SLC35G1: variants seen among roughly 807,000 people sequenced by gnomAD.
The protein encoded by SLC35G1 is partner of STIM1.
In SLC35G1, 10 loss-of-function variants were observed where a neutral mutation model predicts 17.1. That is an observed-to-expected ratio of 0.59 (90% confidence interval 0.36 to 0.99). The LOEUF (loss-of-function observed/expected upper bound fraction) is 0.99. SLC35G1 is among the 50% of genes least tolerant of loss of function. The pLI is 0.01. For synonymous variants in SLC35G1, 185 were observed against 181.1 expected (o/e 1.02, Z -0.18); for missense variants, 433 against 468.4 (o/e 0.92, Z 0.70).
chr10:93,907,620 T>G (rs2060436870), downstream of SLC35G1: 1 of 152,220 alleles, frequency 6.6e-6, no homozygotes, highest in South Asian at 2.1e-4. Flanking sequence ...ATATCATGGT[T>G]GAGTATGTGC....
chr10:93,894,154 G>C lies in SLC35G1; in HGVS notation c.121G>C (p.Asp41His), dbSNP rs1434296419. Residue 41 changes from aspartate to histidine, a missense_variant, in exon 1 of 3, where the codon GAC becomes CAC. Physicochemically the swap from Asp to His is moderately conservative, Grantham distance 81. Coordinates refer to ENST00000427197, the MANE Select transcript of SLC35G1 (RefSeq NM_001134658.3). ...GGCCGCCGAGGCAGCTGGGGCGCCA[G>C]ACCGCGGTAGGTGCTGGCTCTGCCT... ...PAAAEAAGAPDRGRCWLCLSS... is the reference protein window; with the variant it reads ...PAAAEAAGAPHRGRCWLCLSS... The C allele has an allele frequency of 6.7e-7, 1 of 1,481,762 alleles. No homozygotes were observed. Among genetic ancestry groups the C allele is most frequent in the African/African-American group, 1.5e-5 (1 of 68,362 alleles). The allele number at this position is 1,481,762 out of a possible 1,614,324, so 91.8% of individuals were successfully genotyped here.
In SLC35G1 at chr10:93,901,784, A is replaced by G. The variant is rs956162727; in HGVS notation, c.*294A>G. 1 of 219,566 alleles carries G rather than the reference A, an allele frequency of 4.6e-6. No homozygotes were observed. Among genetic ancestry groups the G allele is most frequent in the African/African-American group, 2.7e-5 (1 of 37,712 alleles). 13.6% of individuals were successfully genotyped at this position (219,566 alleles called of 1,614,324 possible). On this transcript the variant is annotated 3_prime_UTR_variant, in exon 3 of 3. Transcript: ENST00000427197. ...AGAAAAACCAAAACATTTTATGGCT[A>G]GTAATATTTATGTAATTTTTAAAAT...
intron 2 of SLC35G1, 60 bp from the exon 3 acceptor site, chr10:93,900,692 T>A (rs540859944): frequency 7.3e-7 from 1 of 1,372,902 alleles, no homozygotes; most frequent in Non-Finnish European, 9.7e-7. Context: ...AATTACAAAT[T>A]GTAATTTAAA....
At chr10:93,908,794 T>C (rs1408785875), downstream of SLC35G1, 1 of 152,106 alleles carries the variant, frequency 6.6e-6, no homozygotes, top group Non-Finnish European at 1.5e-5. Flanking sequence ...CCCAAGAGCC[T>C]AGGCATGAGC....
chr10:93,896,027 G>C (rs1312159614), intron 1 of SLC35G1, among the ~76,000 whole-genome samples: 1 of 150,390 alleles, frequency 6.6e-6, no homozygotes. Flanking sequence ...GTCTTACTCT[G>C]TCACCAAGGC....
At chr10:93,897,069 G>A (rs2060337278) in intron 1 of SLC35G1, among the ~76,000 whole-genome samples, 1 of 152,178 alleles carries the variant, frequency 6.6e-6, no homozygotes, top group Admixed American at 6.5e-5. Flanking sequence ...CTGCGTGTGT[G>A]CAGTTTATTT....
chr10:93,904,517 A>AT (rs2060416474), downstream of SLC35G1, among the ~76,000 whole-genome samples: 2 of 152,064 alleles, frequency 1.3e-5, no homozygotes, highest in South Asian at 4.1e-4. Flanking sequence ...CTTCCTCTGC[A>AT]TTTCCCCCCT....
Position 93,903,788 on chromosome 10 carries a change from T to C in SLC35G1, c.*2298T>C, listed in dbSNP as rs2060412479. 2.6e-5 allele frequency: 4 copies of C among 152,352 alleles called. No individual in the cohort carries two copies. The highest frequency in any genetic ancestry group is 2.9e-5 in the Non-Finnish European group (2 of 68,034). 9.4% of individuals were successfully genotyped at this position (152,352 alleles called of 1,614,324 possible). A position where few individuals can be genotyped will look rare whatever the true frequency, so the allele number is the denominator to read the frequency against. On this transcript the variant is annotated 3_prime_UTR_variant, in exon 3 of 3. Transcript: ENST00000427197. ...AAGGAAAATATTTTCATAAATTGTT[T>C]TTATAAGTACTAATAAAATAATATG...
downstream of SLC35G1, among the ~76,000 whole-genome samples, chr10:93,904,883 T>C (rs1002400970): frequency 4.6e-5 from 7 of 152,034 alleles, no homozygotes; most frequent in African/African-American, 1.4e-4. Context: ...TATACCAGAG[T>C]CCTTACTCCC....
At position 93,900,873 on chromosome 10, in the gene SLC35G1, G is replaced by A. The variant is rs554883682; in HGVS notation, c.481G>A (p.Val161Ile). ...GACAATGTCCCTCGCTGATGCCACA[G>A]TTATCACGTTTAGCAGTCCAGTGTT... is the stretch of plus-strand genomic sequence containing the variant. ...YQTMSLADAT[V>I]ITFSSPVFTS... The change falls in exon 3 of 3, where the codon GTT becomes ATT. Residue 161 changes from valine to isoleucine, a missense_variant. Physicochemically the swap from Val to Ile is conservative, Grantham distance 29 (BLOSUM62 3). Coordinates refer to ENST00000427197, the MANE Select transcript of SLC35G1 (RefSeq NM_001134658.3). 2 of 1,614,068 alleles carry A rather than the reference G, an allele frequency of 1.2e-6. No homozygotes were observed. Among genetic ancestry groups the A allele is most frequent in the South Asian group, 1.1e-5 (1 of 91,074 alleles).
chr10:93,897,460 G>A (rs1056491328), intron 1 of SLC35G1, among the ~76,000 whole-genome samples: 4 of 152,160 alleles, frequency 2.6e-5, no homozygotes, highest in African/African-American at 9.7e-5. Context: ...TCACCCTTCA[G>A]TTCCACTGTG....
rs763255803 is a variant in SLC35G1, at chr10:93,901,510, A to AT, written c.*21dup. The stretch of plus-strand genomic sequence containing the variant: ...AAATGAAGCATCATTGCTGAAATAC[A>AT]TATTTTTTTCAAGTACACCATCACC... On this transcript the variant is annotated 3_prime_UTR_variant, in exon 3 of 3. Transcript: ENST00000427197. 21 of 1,559,482 alleles carry AT rather than the reference A, an allele frequency of 1.3e-5. No homozygotes were observed. The highest frequency in any genetic ancestry group is 1.8e-5 in the Non-Finnish European group (21 of 1,155,506).
exon 3 of SLC35G1, chr10:93,909,113 C>T (rs1166577495): frequency 6.6e-6 from 1 of 152,198 alleles, no homozygotes; most frequent in Admixed American, 6.5e-5. Context: ...ACACTAACCA[C>T]CATACTTTAC....
chr10:93,901,440 G>A lies in SLC35G1; in HGVS notation c.1048G>A (p.Ala350Thr), dbSNP rs1564593189. The change falls in exon 3 of 3, where the codon GCC becomes ACC. Residue 350 changes from alanine to threonine, a missense_variant. By Grantham distance (58) the Ala-to-Thr change is moderately conservative. Transcript: ENST00000427197. ...AGTGGGTGGTGCTCTCTGCGTAGTA[G>A]CCAGTAATGTTGGAGCGGCCATTCG... ...WTVGGALCVVASNVGAAIRKW... is the reference protein window; with the variant it reads ...WTVGGALCVVTSNVGAAIRKW... 1 of 1,608,384 alleles carries A rather than the reference G, an allele frequency of 6.2e-7. No homozygotes were observed.
chr10:93,899,717 C>T (rs1164049479), intron 2 of SLC35G1, among the ~76,000 whole-genome samples: 1 of 152,162 alleles, frequency 6.6e-6, no homozygotes, highest in Non-Finnish European at 1.5e-5. Flanking sequence ...AAATTTCTGT[C>T]AATGCGGACA....
In SLC35G1 at chr10:93,901,023, A is replaced by G. The variant is rs2060378581; in HGVS notation, c.631A>G (p.Thr211Ala). Residue 211 changes from threonine to alanine, a missense_variant, in exon 3 of 3, where the codon ACT becomes GCT. Thr to Ala is a moderately conservative substitution (Grantham distance 58, BLOSUM62 0). Coordinates refer to ENST00000427197, the MANE Select transcript of SLC35G1 (RefSeq NM_001134658.3). The part of the protein sequence containing the change: ...VRPPFLFGSD[T>A]SGMEESYSGH... ...ACCACCATTTTTGTTTGGTTCCGAC[A>G]CTTCGGGGATGGAAGAAAGCTATTC... 1 of 1,614,090 alleles carries G rather than the reference A, an allele frequency of 6.2e-7. No homozygotes were observed. The highest frequency in any genetic ancestry group is 2.2e-5 in the East Asian group (1 of 44,890).
downstream of SLC35G1, among the ~76,000 whole-genome samples, chr10:93,905,775 G>A (rs1014638510): frequency 1.1e-4 from 16 of 152,172 alleles, no homozygotes; most frequent in Admixed American, 1.0e-3. Context: ...ATTAATACCA[G>A]TAAGCCTGAT....
downstream of SLC35G1, chr10:93,908,557 C>G (rs2060441456): frequency 1.3e-5 from 2 of 152,094 alleles, no homozygotes; most frequent in Non-Finnish European, 2.9e-5. Flanking sequence ...CCTCCTAGAG[C>G]AAGAGCTAGA....
At chr10:93,897,420 C>T (rs910054272) in intron 1 of SLC35G1, among the ~76,000 whole-genome samples, 3 of 152,326 alleles carry the variant, frequency 2.0e-5, no homozygotes, top group East Asian at 3.9e-4. Context: ...AATGATAATA[C>T]GAGTTTTCCT....
Sources: allele counts gnomAD v4.1 joint callset (sites outside exome capture counted in the v4.1 genomes callset), GRCh38; gene constraint gnomAD v4.1.1; transcripts MANE v1.5; gene names NCBI Gene and HGNC (gene_info 2026-07-23, HGNC 2026-07-21).